Variants in UACA observed in about 807,000 individuals in gnomAD.
The protein encoded by UACA is uveal autoantigen with coiled-coil domains and ankyrin repeats, also known as nuclear membrane binding protein.
A neutral mutation model predicts 160.5 loss-of-function variants in UACA; 112 were observed. That is an observed-to-expected ratio of 0.70 (90% CI 0.60 to 0.82). The LOEUF is 0.82. Among genes scored for constraint, UACA ranks in the 40% least tolerant of loss-of-function variants. UACA has a pLI of 0.00. For synonymous variants in UACA, 557 were observed against 568.4 expected (o/e 0.98, Z 0.29); for missense variants, 1,574 against 1,614.6 (o/e 0.97, Z 0.43).
At chr15:70,769,338 CAAAAAAAAA>C in the UACA span, among the ~76,000 whole-genome samples, 3 of 77,724 alleles carry the variant, frequency 3.9e-5, no homozygotes, top group Admixed American at 1.6e-4. Flanking sequence ...GACTCCGACT[CAAAAAAAAA>C]AAAAAAAAAA....
intron 1 of UACA, chr15:70,701,760 C>T: frequency 1.0e-6 from 1 of 973,000 alleles, no homozygotes; most frequent in East Asian, 2.6e-5. Flanking sequence ...TCAACTTAAT[C>T]AAGAAGAAAA....
At chr15:70,713,398 G>A (rs1479976824) in intron 1 of UACA, among the ~76,000 whole-genome samples, 1 of 152,172 alleles carries the variant, frequency 6.6e-6, no homozygotes, top group Non-Finnish European at 1.5e-5. Flanking sequence ...TTGGGTAACT[G>A]AAAAAGGCTG....
intron 1 of UACA, among the ~76,000 whole-genome samples, chr15:70,715,880 C>T (rs1157724571): frequency 6.6e-6 from 1 of 152,140 alleles, no homozygotes; most frequent in African/African-American, 2.4e-5. Flanking sequence ...ATACACAATT[C>T]TTAAACTTGA....
intron 1 of UACA, among the ~76,000 whole-genome samples, chr15:70,742,626 T>C (rs1427471761): frequency 1.3e-5 from 2 of 152,124 alleles, no homozygotes; most frequent in Non-Finnish European, 1.5e-5. Flanking sequence ...AACCAAAAAA[T>C]GAAAAATAAA....
intron 13 of UACA, 42 bp downstream of exon 13, chr15:70,676,451 T>TA: frequency 7.6e-7 from 1 of 1,316,844 alleles, no homozygotes; most frequent in Non-Finnish European, 1.1e-6. Context: ...GCCTTACCAT[T>TA]ACCCATTATG....
chr15:70,756,351 A>G (rs755048181), intron 1 of UACA, among the ~76,000 whole-genome samples: 1 of 151,728 alleles, frequency 6.6e-6, no homozygotes, highest in Non-Finnish European at 1.5e-5. Flanking sequence ...AGTAGAGACA[A>G]GGTTTTACCA....
intron 5 of UACA, 76 bp from the exon 6 acceptor site, chr15:70,687,896 A>G: frequency 7.1e-7 from 1 of 1,411,100 alleles, no homozygotes; most frequent in African/African-American, 1.4e-5. Context: ...AGGTCCATAT[A>G]AGGAATAAGT....
chr15:70,769,463 C>T, the UACA span, among the ~76,000 whole-genome samples: 1 of 150,714 alleles, frequency 6.6e-6, no homozygotes, highest in African/African-American at 2.4e-5. Flanking sequence ...CTATTGACTA[C>T]ATTGGTTTCA....
intron 1 of UACA, among the ~76,000 whole-genome samples, chr15:70,751,444 G>C (rs1295935058): frequency 6.6e-6 from 1 of 152,206 alleles, no homozygotes; most frequent in Non-Finnish European, 1.5e-5. Flanking sequence ...CCTCTGGTAA[G>C]ACTTTTCAGT....
chr15:70,775,843 A>C, the UACA span, among the ~76,000 whole-genome samples: 47 of 152,310 alleles, frequency 3.1e-4, no homozygotes, highest in African/African-American at 9.6e-4. Flanking sequence ...TAAGTGACTG[A>C]GTTTTGTGTA....
chr15:70,701,071 GAA>G (rs1381316610), intron 1 of UACA, among the ~76,000 whole-genome samples: 1 of 151,974 alleles, frequency 6.6e-6, no homozygotes, highest in South Asian at 2.1e-4. Context: ...AACTGAATAT[GAA>G]AAAAAGACAA....
chr15:70,677,717 AT>A lies in UACA; in HGVS notation c.999+381del, dbSNP rs1897340471. Among the ~76,000 whole-genome samples, 4 of 151,902 alleles carry A rather than the reference AT, an allele frequency of 2.6e-5. No homozygotes were observed. The South Asian group carries it at 8.3e-4, about 32-fold the overall frequency. On this transcript the variant is annotated intron_variant, in intron 11 of 18. Coordinates refer to ENST00000322954, the MANE Select transcript of UACA (RefSeq NM_018003.4). ...TTTATGGATATTTCTTGTATTTCCA[AT>A]TTTTTTATACAACAAGGAATATATT...
intron 17 of UACA, among the ~76,000 whole-genome samples, chr15:70,662,117 A>ATG (rs1484758902): frequency 3.5e-4 from 54 of 152,180 alleles, no homozygotes; most frequent in Non-Finnish European, 4.3e-4. Flanking sequence ...AAACCCCATC[A>ATG]TCTCAGCCCA....
intron 2 of UACA, among the ~76,000 whole-genome samples, chr15:70,698,460 T>C (rs895140326): frequency 6.6e-6 from 1 of 152,212 alleles, no homozygotes; most frequent in Non-Finnish European, 1.5e-5. Flanking sequence ...AGATTCAAAA[T>C]AACCAGTGTT....
At chr15:70,728,169 G>C (rs1899202983) in intron 1 of UACA, among the ~76,000 whole-genome samples, 1 of 152,176 alleles carries the variant, frequency 6.6e-6, no homozygotes, top group Admixed American at 6.5e-5. Flanking sequence ...TAACTGGCTA[G>C]CCATATGTAG....
rs1358169206 is a variant in UACA, at chr15:70,691,313, G to A, written c.352C>T (p.Gln118Ter). ...ACTTCCACTACCTGTAGAAGTTTTT[G>A]TAGGCACAATGCATGTCCATACTTA... ...AAKYGHALCL[Q>*]KLLQYNCPTE... The change falls in exon 4 of 19, where the codon CAA becomes TAA. Residue 118 changes from glutamine to a stop codon, truncating the protein, a stop_gained. Coordinates refer to ENST00000322954, the MANE Select transcript of UACA (RefSeq NM_018003.4). LOFTEE classifies it high-confidence loss of function. The A allele has an allele frequency of 1.1e-5, 17 of 1,605,092 alleles. No individual in the cohort carries two copies. Among genetic ancestry groups the A allele is most frequent in the Non-Finnish European group, 1.4e-5 (17 of 1,175,434 alleles).
At chr15:70,751,179 T>C (rs1449454562) in intron 1 of UACA, among the ~76,000 whole-genome samples, 1 of 152,180 alleles carries the variant, frequency 6.6e-6, no homozygotes, top group Non-Finnish European at 1.5e-5. Flanking sequence ...TTATATTATC[T>C]GCTCATGGAG....
chr15:70,772,017 G>A, the UACA span, among the ~76,000 whole-genome samples: 1 of 152,288 alleles, frequency 6.6e-6, no homozygotes, highest in East Asian at 1.9e-4. Flanking sequence ...TAACTAAGTA[G>A]GGGATGATGT....
At chr15:70,708,548 A>G (rs1253823192) in intron 1 of UACA, among the ~76,000 whole-genome samples, 1 of 151,776 alleles carries the variant, frequency 6.6e-6, no homozygotes, top group Non-Finnish European at 1.5e-5. Context: ...GCAGCCTGCA[A>G]CCTCCACCAC....
Sources: allele counts gnomAD v4.1 joint callset (sites outside exome capture counted in the v4.1 genomes callset), GRCh38; gene constraint gnomAD v4.1.1; transcripts MANE v1.5; gene names NCBI Gene and HGNC (gene_info 2026-07-23, HGNC 2026-07-21).